PAQR5: variants seen among roughly 807,000 people sequenced by gnomAD.
PAQR5 encodes the protein progestin and adipoQ receptor family member 5, also known as membrane progestin receptor gamma.
Under a neutral mutation model 34.5 loss-of-function variants are expected in PAQR5, and 20 were observed. The ratio of observed to expected loss-of-function variants is 0.58; its 90% CI spans 0.41 to 0.84. The LOEUF is 0.84. Among genes scored for constraint, PAQR5 ranks in the 40% least tolerant of loss-of-function variants. The pLI is 0.00. For missense variants in PAQR5, 378 were observed against 412.7 expected, an observed-to-expected ratio of 0.92 and a Z score of 0.73; for synonymous variants, 131 against 155.6, an observed-to-expected ratio of 0.84 and a Z score of 1.18.
chr15:69,335,550 T>C (rs1488196413), intron 1 of PAQR5, among the ~76,000 whole-genome samples: 1 of 131,304 alleles, frequency 7.6e-6, no homozygotes, highest in African/African-American at 2.9e-5. Context: ...CAGTTTTTTT[T>C]TTTTTTTTTT....
chr15:69,364,802 G>GCA, intron 3 of PAQR5, among the ~76,000 whole-genome samples: 1 of 150,784 alleles, frequency 6.6e-6, no homozygotes. Context: ...ACAGTGGCAA[G>GCA]ATCTCGGCTC....
intron 1 of PAQR5, among the ~76,000 whole-genome samples, chr15:69,300,601 CTTT>C (rs2053519755): frequency 3.0e-5 from 1 of 33,282 alleles, no homozygotes; most frequent in East Asian, 6.4e-4. Context: ...TTCTTTCTTT[CTTT>C]CTTTCTTTCT....
chr15:69,379,777 G>T, intron 3 of PAQR5, 106 bp from the exon 4 acceptor site: 1 of 1,418,030 alleles, frequency 7.1e-7, no homozygotes, highest in Non-Finnish European at 9.5e-7. Context: ...AGGACTTGGG[G>T]TCAAGCGTTC....
At chr15:69,308,961 G>C (rs567780720) in intron 1 of PAQR5, among the ~76,000 whole-genome samples, 10 of 152,298 alleles carry the variant, frequency 6.6e-5, no homozygotes, top group Admixed American at 3.3e-4. Context: ...GGACATGAGA[G>C]TGCTAAGGAA....
At chr15:69,332,360 T>C (rs975156360) in intron 1 of PAQR5, among the ~76,000 whole-genome samples, 2 of 152,300 alleles carry the variant, frequency 1.3e-5, no homozygotes, top group African/African-American at 4.8e-5. Flanking sequence ...AATTTCTCTG[T>C]CTTGCTTTGT....
At chr15:69,305,361 CT>C (rs1467033167) in intron 1 of PAQR5, among the ~76,000 whole-genome samples, 4 of 152,172 alleles carry the variant, frequency 2.6e-5, no homozygotes, top group African/African-American at 9.6e-5. Context: ...TTTCCAGCCC[CT>C]GTTTCATGAA....
intron 3 of PAQR5, chr15:69,379,287 G>C (rs2055811859): frequency 3.3e-6 from 1 of 302,674 alleles, no homozygotes; most frequent in Admixed American, 6.5e-5. Flanking sequence ...TTTTTTGGGG[G>C]GGACTTGCCA....
rs67697746 is a variant in PAQR5, at chr15:69,325,585, C to CTGAATGAA, written c.-276-11720_-276-11713dup. Reference sequence around the variant, plus strand: ...ATAGTAGGTATTCAGGAAATGTGTGCTGAATGAATGAATGAATGAATGAAT... The same window carrying CTGAATGAA: ...ATAGTAGGTATTCAGGAAATGTGTGCTGAATGAATGAATGAATGAATGAATGAATGAAT... On this transcript the variant is annotated intron_variant, in intron 1 of 8. Transcript: ENST00000395407. 9.3e-3 allele frequency among the ~76,000 whole-genome samples: 1,402 copies of CTGAATGAA among 150,372 alleles called. 16 individuals are homozygous for CTGAATGAA. The highest frequency in any genetic ancestry group is 0.033 in the African/African-American group (1,338 of 40,764).
intron 3 of PAQR5, among the ~76,000 whole-genome samples, chr15:69,373,138 C>A (rs1385865409): frequency 6.6e-6 from 1 of 152,146 alleles, no homozygotes; most frequent in Admixed American, 6.5e-5. Flanking sequence ...TGAGTCTCTT[C>A]TTCTGCCTCC....
chr15:69,311,898 C>T (rs2053842299), intron 1 of PAQR5, among the ~76,000 whole-genome samples: 1 of 152,220 alleles, frequency 6.6e-6, no homozygotes, highest in Middle Eastern at 3.4e-3. Flanking sequence ...CAATTGAGAC[C>T]ACAAAGGACC....
At chr15:69,362,772 G>A (rs2055272042) in intron 3 of PAQR5, among the ~76,000 whole-genome samples, 1 of 152,140 alleles carries the variant, frequency 6.6e-6, no homozygotes, top group Non-Finnish European at 1.5e-5. Flanking sequence ...ACTTTGAGGG[G>A]TAGAGCATGC....
intron 2 of PAQR5, among the ~76,000 whole-genome samples, chr15:69,341,850 G>A (rs111421632): frequency 0.03 from 4,608 of 151,412 alleles, 155 homozygotes; most frequent in East Asian, 0.14. Flanking sequence ...AGGCTGAGGT[G>A]GGAGGATCAC....
intron 1 of PAQR5, among the ~76,000 whole-genome samples, chr15:69,336,303 C>T (rs4340278): frequency 1 from 151,746 of 152,322 alleles, 75,586 homozygotes; most frequent in Middle Eastern, 1. Context: ...TTTTAGATAT[C>T]AGGTCCTCTA....
chr15:69,333,810 TAAG>T (rs544834018), intron 1 of PAQR5, among the ~76,000 whole-genome samples: 16 of 152,232 alleles, frequency 1.1e-4, no homozygotes, highest in Admixed American at 8.5e-4. Flanking sequence ...GTCACCCAAT[TAAG>T]AAACTGGCAA....
chr15:69,373,428 T>C (rs1164838413), intron 3 of PAQR5, among the ~76,000 whole-genome samples: 1 of 152,214 alleles, frequency 6.6e-6, no homozygotes, highest in Non-Finnish European at 1.5e-5. Context: ...TGCCTAAAAC[T>C]GAAAATAGTT....
intron 3 of PAQR5, chr15:69,379,418 C>G (rs577835549): frequency 1.4e-5 from 14 of 985,346 alleles, no homozygotes; most frequent in East Asian, 2.3e-4. Flanking sequence ...TATGAAGCAC[C>G]TTGGTGAATA....
rs780596595 is a variant in PAQR5, at chr15:69,360,034, A to G, written c.-47A>G. On this transcript the variant is annotated 5_prime_UTR_variant, in exon 3 of 9. Transcript: ENST00000395407. The stretch of plus-strand genomic sequence containing the variant: ...GTTAGAGCTTTGAGTGAGGCCTGGT[A>G]ACAGGGAGGCGCTGTCACCTACTGG... The G allele has an allele frequency of 6.7e-7, 1 of 1,499,230 alleles. No homozygotes were observed. The highest frequency in any genetic ancestry group is 1.1e-5 in the South Asian group (1 of 88,604). The allele number at this position is 1,499,230 out of a possible 1,614,324, so 92.9% of individuals were successfully genotyped here. A position where few individuals can be genotyped will look rare whatever the true frequency, so the allele number is the denominator to read the frequency against.
chr15:69,318,412 C>T (rs1016083610), intron 1 of PAQR5, among the ~76,000 whole-genome samples: 2 of 152,212 alleles, frequency 1.3e-5, no homozygotes, highest in South Asian at 2.1e-4. Flanking sequence ...AGATGTCTGT[C>T]TCCCTCTCTC....
At chr15:69,350,667 T>TCACACA (rs61320862) in intron 2 of PAQR5, among the ~76,000 whole-genome samples, 3,027 of 148,812 alleles carry the variant, frequency 0.02, 103 homozygotes, top group African/African-American at 0.071. Context: ...AATTAAAAAA[T>TCACACA]CACACACACA....
Sources: gnomAD v4.1 joint callset for allele counts (sites outside exome capture counted in the v4.1 genomes callset) on GRCh38, gnomAD v4.1.1 for gene constraint, MANE v1.5 for transcripts, NCBI Gene and HGNC (gene_info 2026-07-23, HGNC 2026-07-21) for gene names.